CPB2: variants seen among roughly 807,000 people sequenced by gnomAD.
CPB2 encodes the protein carboxypeptidase B2, also known as carboxypeptidase B-like protein.
In CPB2, 54 loss-of-function variants were observed where a neutral mutation model predicts 57.0. The ratio of observed to expected loss-of-function variants is 0.95; its 90% CI spans 0.76 to 1.19. The LOEUF is 1.19. Among genes scored for constraint, CPB2 ranks in the 50% most tolerant of loss-of-function variants. CPB2 has a pLI of 0.00. For synonymous variants in CPB2, 189 were observed against 178.1 expected (o/e 1.06, Z -0.49); for missense variants, 426 against 512.0 (o/e 0.83, Z 1.62).
Position 46,071,085 on chromosome 13 carries a change from A to G in CPB2, c.591+2788T>C, listed in dbSNP as rs1489739657. Among the ~76,000 whole-genome samples, 6 of 152,360 alleles carry G rather than the reference A, an allele frequency of 3.9e-5. No homozygotes were observed. In the South Asian group the frequency reaches 1.2e-3, roughly 32 times the overall value. ...ATGATAATAAACAATGGCAAGATGT[A>G]CAAGGTGGCTCAGAAAAAGGATGGT... On this transcript the variant is annotated intron_variant, in intron 6 of 10. Transcript: ENST00000181383.
intron 4 of CPB2, among the ~76,000 whole-genome samples, chr13:46,080,904 G>A (rs950762360): frequency 3.4e-5 from 5 of 147,774 alleles, no homozygotes; most frequent in Non-Finnish European, 4.4e-5. Context: ...CCCAAGAGGC[G>A]CAGGTTGCAG....
intron 1 of CPB2, among the ~76,000 whole-genome samples, chr13:46,103,519 A>T (rs1395739523): frequency 6.6e-6 from 1 of 152,188 alleles, no homozygotes; most frequent in African/African-American, 2.4e-5. Context: ...TTACTGTTTG[A>T]TCTTGGGCCA....
chr13:46,091,977 A>G (rs982522481), intron 1 of CPB2, among the ~76,000 whole-genome samples: 1 of 152,192 alleles, frequency 6.6e-6, no homozygotes, highest in Non-Finnish European at 1.5e-5. Context: ...CCTCACAAGA[A>G]CTATTTTATT....
At position 46,067,362 on chromosome 13, in the gene CPB2, T is replaced by A. The variant is rs1345240206; in HGVS notation, c.647A>T (p.Asp216Val). The change falls in exon 7 of 11, where the codon GAT becomes GTT. Residue 216 changes from aspartate to valine, a missense_variant. By Grantham distance (152) the Asp-to-Val change is radical. Coordinates refer to ENST00000181383, the MANE Select transcript of CPB2 (RefSeq NM_001872.5). ...GQYTNLLRLV[D>V]FYVMPVVNVD... ...ATTAACCACTGGCATAACATAGAAA[T>A]CCACAAGCCTCAGGAGATTGGTATA... is the stretch of plus-strand genomic sequence containing the variant. 6.3e-7 allele frequency: 1 copy of A among 1,597,826 alleles called. No homozygotes were observed. Among genetic ancestry groups the A allele is most frequent in the East Asian group, 2.2e-5 (1 of 44,702 alleles).
At chr13:46,102,540 C>CAAAAAAAA (rs10624204) in intron 1 of CPB2, among the ~76,000 whole-genome samples, 3 of 108,186 alleles carry the variant, frequency 2.8e-5, no homozygotes, top group Admixed American at 1.1e-4. Context: ...ATGATTATGA[C>CAAAAAAAA]AAAAAAAAAA....
At chr13:46,087,276 T>G (rs2045224228) in intron 2 of CPB2, among the ~76,000 whole-genome samples, 1 of 152,234 alleles carries the variant, frequency 6.6e-6, no homozygotes, top group African/African-American at 2.4e-5. Context: ...GCCCCAGCCG[T>G]GCCTCCCGCA....
chr13:46,084,180 T>G (rs747565749), intron 3 of CPB2, 39 bp downstream of exon 3: 20 of 1,608,938 alleles, frequency 1.2e-5, no homozygotes, highest in Non-Finnish European at 1.4e-5. Context: ...ATAGTAAGTG[T>G]TTATAATAAC....
chr13:46,072,432 G>T (rs950298065), intron 6 of CPB2, among the ~76,000 whole-genome samples: 1 of 152,028 alleles, frequency 6.6e-6, no homozygotes, highest in African/African-American at 2.4e-5. Context: ...TTTAAATGTC[G>T]ATTTAAAAAG....
At chr13:46,083,653 C>A (rs184977155) in intron 3 of CPB2, among the ~76,000 whole-genome samples, 78 of 152,248 alleles carry the variant, frequency 5.1e-4, no homozygotes, top group Non-Finnish European at 5.4e-4. Flanking sequence ...CATTTCTAAT[C>A]CACAGGGTAG....
intron 6 of CPB2, among the ~76,000 whole-genome samples, chr13:46,070,485 A>C (rs9590941): frequency 0.013 from 1,981 of 152,168 alleles, 41 homozygotes; most frequent in African/African-American, 0.046. Context: ...GTCAATGATT[A>C]CTCAGCTCTT....
At chr13:46,070,576 C>G (rs1344078737) in intron 6 of CPB2, among the ~76,000 whole-genome samples, 1 of 151,930 alleles carries the variant, frequency 6.6e-6, no homozygotes, top group Non-Finnish European at 1.5e-5. Context: ...ACAATTCCTG[C>G]CTAGGAATTA....
Position 46,053,418 on chromosome 13 carries a change from A to T in CPB2, c.*196T>A. 2.9e-6 allele frequency: 2 copies of T among 688,608 alleles called. No homozygotes were observed. The highest frequency in any genetic ancestry group is 5.1e-5 in the South Asian group (1 of 19,772). 42.7% of individuals were successfully genotyped at this position (688,608 alleles called of 1,614,324 possible). On this transcript the variant is annotated 3_prime_UTR_variant, in exon 11 of 11. Coordinates refer to ENST00000181383, the MANE Select transcript of CPB2 (RefSeq NM_001872.5). ...TAACTAGACTTTTACAATTTTTTTT[A>T]AAGGGTAAAAAGACATGAACCCTAG...
intron 6 of CPB2, among the ~76,000 whole-genome samples, chr13:46,073,217 C>T (rs772381104): frequency 2.8e-4 from 42 of 152,150 alleles, no homozygotes; most frequent in Non-Finnish European, 3.2e-4. Flanking sequence ...AGTTATTTTT[C>T]CAGTGGCTAT....
At chr13:46,067,245 C>A in intron 7 of CPB2, 62 bp downstream of exon 7, 1 of 795,408 alleles carries the variant, frequency 1.3e-6, no homozygotes, top group Non-Finnish European at 2.1e-6. Flanking sequence ...ATGAATAATT[C>A]AACCTGTATA....
At chr13:46,092,883 A>G (rs980464982) in intron 1 of CPB2, among the ~76,000 whole-genome samples, 3 of 151,904 alleles carry the variant, frequency 2.0e-5, no homozygotes, top group African/African-American at 7.3e-5. Context: ...TTATAGGGAT[A>G]ATTTTATTTG....
intron 8 of CPB2, among the ~76,000 whole-genome samples, chr13:46,059,587 A>G (rs1377000668): frequency 3.8e-5 from 2 of 52,138 alleles, no homozygotes; most frequent in Admixed American, 2.0e-4. Flanking sequence ...TATCATCATC[A>G]TCATCATCAT....
At chr13:46,057,852 T>G (rs1211241429) in intron 9 of CPB2, among the ~76,000 whole-genome samples, 2 of 152,190 alleles carry the variant, frequency 1.3e-5, no homozygotes, top group African/African-American at 4.8e-5. Context: ...GTCGCATGAT[T>G]CCATACTCAT....
chr13:46,081,389 T>G (rs1308123592), intron 4 of CPB2, among the ~76,000 whole-genome samples: 1 of 152,202 alleles, frequency 6.6e-6, no homozygotes, highest in African/African-American at 2.4e-5. Flanking sequence ...ATCCCACCTA[T>G]GAAGCCTCTC....
chr13:46,065,626 CAAAAAAA>C lies in CPB2; in HGVS notation c.703-892_703-886del, dbSNP rs397851865. Among the ~76,000 whole-genome samples the C allele has an allele frequency of 2.9e-3, 177 of 62,004 alleles. 1 individual carries two copies. Among genetic ancestry groups the C allele is most frequent in the African/African-American group, 0.011 (165 of 15,032 alleles). The allele number at this position is 62,004 out of a possible 152,430, so 40.7% of individuals were successfully genotyped here. ...TGGGCGACAGAGCAAGACTCCGTCT[CAAAAAAA>C]AAAAAAAAAAAAAAAAAGAGTTGCA... On this transcript the variant is annotated intron_variant, in intron 7 of 10. Transcript: ENST00000181383.
Sources: allele counts gnomAD v4.1 joint callset (sites outside exome capture counted in the v4.1 genomes callset), GRCh38; gene constraint gnomAD v4.1.1; transcripts MANE v1.5; gene names NCBI Gene and HGNC (gene_info 2026-07-23, HGNC 2026-07-21).